Variants in NCKAP1 observed in about 807,000 individuals in gnomAD.
NCKAP1 encodes the protein nck-associated protein 1.
NCKAP1 carries 21 observed loss-of-function variants against 151.2 expected under a neutral mutation model. That is an observed-to-expected ratio of 0.14 (90% CI 0.10 to 0.20). The LOEUF (loss-of-function observed/expected upper bound fraction) is 0.20. Ranked by LOEUF, NCKAP1 falls within the 10% of genes least tolerant of loss-of-function variation. The pLI is 1.00. For missense variants in NCKAP1, 933 were observed against 1,352.1 expected, an observed-to-expected ratio of 0.69 and a Z score of 4.86; for synonymous variants, 484 against 451.8, an observed-to-expected ratio of 1.07 and a Z score of -0.90.
intron 24 of NCKAP1, among the ~76,000 whole-genome samples, chr2:182,936,997 C>T (rs1166161134): frequency 1.3e-5 from 2 of 151,464 alleles, no homozygotes; most frequent in Admixed American, 1.3e-4. Context: ...TGCTTGTAGT[C>T]CCAGCTACTC....
At chr2:182,991,488 G>C (rs1311357210) in intron 8 of NCKAP1, among the ~76,000 whole-genome samples, 7 of 152,148 alleles carry the variant, frequency 4.6e-5, no homozygotes, top group Non-Finnish European at 1.0e-4. Context: ...GAACTTGGGA[G>C]GTGGAGGGTG....
At chr2:182,937,354 C>T (rs1362182587) in intron 24 of NCKAP1, among the ~76,000 whole-genome samples, 1 of 152,058 alleles carries the variant, frequency 6.6e-6, no homozygotes, top group African/African-American at 2.4e-5. Flanking sequence ...ATTTGCCAAA[C>T]CATTTGACCA....
At position 182,986,338 on chromosome 2, in the gene NCKAP1, G is replaced by A. The variant is rs1196153028; in HGVS notation, c.948-111C>T. Reference sequence around the variant, plus strand: ...AAATGACATTATCAATTCAGAAACTGGCCATCAAACTGGAAGTGCATGGAA... The same window carrying A: ...AAATGACATTATCAATTCAGAAACTAGCCATCAAACTGGAAGTGCATGGAA... On this transcript the variant is annotated intron_variant, in intron 9 of 30. Coordinates refer to ENST00000361354, the MANE Select transcript of NCKAP1 (RefSeq NM_013436.5). 5.7e-6 allele frequency: 5 copies of A among 872,748 alleles called. No homozygotes were observed. The East Asian group carries it at 1.1e-4, about 19-fold the overall frequency. 54.1% of individuals were successfully genotyped at this position (872,748 alleles called of 1,614,324 possible). A position where few individuals can be genotyped will look rare whatever the true frequency, so the allele number is the denominator to read the frequency against.
chr2:182,958,057 G>C (rs1697361810), intron 18 of NCKAP1, among the ~76,000 whole-genome samples: 1 of 152,232 alleles, frequency 6.6e-6, no homozygotes, highest in Non-Finnish European at 1.5e-5. Flanking sequence ...GAAGGGCCTT[G>C]AATGCCAAGC....
At position 182,996,261 on chromosome 2, in the gene NCKAP1, T is replaced by C. The variant is rs115324263; in HGVS notation, c.604-423A>G. On this transcript the variant is annotated intron_variant, in intron 6 of 30. Coordinates refer to ENST00000361354, the MANE Select transcript of NCKAP1 (RefSeq NM_013436.5). ...TGTTAATAAAACTCAACATGCTTTA[T>C]ATTTCTCTAAAGAATGTCTTATAAA... is the stretch of plus-strand genomic sequence containing the variant. Among the ~76,000 whole-genome samples the C allele has an allele frequency of 2.6e-3, 390 of 152,390 alleles. 2 individuals carry two copies. The highest frequency in any genetic ancestry group is 8.9e-3 in the African/African-American group (372 of 41,598).
rs577083854 is a variant in NCKAP1 at position 182,970,497 on chromosome 2, A to C, written c.1483-3136T>G. On this transcript the variant is annotated intron_variant, in intron 15 of 30. Coordinates refer to ENST00000361354, the MANE Select transcript of NCKAP1 (RefSeq NM_013436.5). The stretch of plus-strand genomic sequence containing the variant: ...TTTAATAGATGCTGAAAATGCATTC[A>C]ATAAAATTCAACATCTCTTCATAAT... Among the ~76,000 whole-genome samples, 5 of 152,374 alleles carry C rather than the reference A, an allele frequency of 3.3e-5. No homozygotes were observed. In the South Asian group the frequency reaches 1.0e-3, roughly 32 times the overall value.
At chr2:182,941,351 G>A (rs950082729) in intron 24 of NCKAP1, among the ~76,000 whole-genome samples, 1 of 152,042 alleles carries the variant, frequency 6.6e-6, no homozygotes, top group Non-Finnish European at 1.5e-5. Flanking sequence ...ATGTCAAGAA[G>A]ACATTACAAT....
intron 29 of NCKAP1, 98 bp from the exon 30 acceptor site, chr2:182,927,003 T>C: frequency 1.3e-6 from 1 of 760,862 alleles, no homozygotes; most frequent in Admixed American, 2.7e-5. Flanking sequence ...TTTCAATCAT[T>C]CAGTGCTAAA....
At chr2:182,980,358 GA>G (rs938167323) in intron 13 of NCKAP1, among the ~76,000 whole-genome samples, 7 of 151,610 alleles carry the variant, frequency 4.6e-5, no homozygotes, top group Non-Finnish European at 8.8e-5. Flanking sequence ...AGGTTGATTT[GA>G]AAAAAATGAG....
intron 2 of NCKAP1, among the ~76,000 whole-genome samples, chr2:183,016,466 C>T (rs998406585): frequency 5.9e-5 from 9 of 152,184 alleles, no homozygotes; most frequent in Non-Finnish European, 1.3e-4. Flanking sequence ...AGAACATTGA[C>T]ATTTCAGTTA....
intron 10 of NCKAP1, among the ~76,000 whole-genome samples, chr2:182,985,797 T>C (rs1025543625): frequency 4.3e-5 from 6 of 139,990 alleles, no homozygotes; most frequent in African/African-American, 1.3e-4. Flanking sequence ...AGTGAGACTG[T>C]CTCAAAAAAA....
intron 2 of NCKAP1, among the ~76,000 whole-genome samples, chr2:183,017,900 T>C (rs181833590): frequency 1.3e-5 from 2 of 152,260 alleles, no homozygotes; most frequent in African/African-American, 4.8e-5. Context: ...CTAAGTGCTT[T>C]AGGAAACAAT....
chr2:182,927,814 A>G, intron 29 of NCKAP1, among the ~76,000 whole-genome samples: 1 of 151,956 alleles, frequency 6.6e-6, no homozygotes, highest in South Asian at 2.1e-4. Context: ...TGGGGAAAAA[A>G]GGTCATATTG....
chr2:183,023,713 T>A, intron 2 of NCKAP1, 93 bp downstream of exon 2: 1 of 943,290 alleles, frequency 1.1e-6, no homozygotes. Flanking sequence ...TGTTAAAAAT[T>A]AGGTAAATAA....
chr2:182,913,220 G>C lies in NCKAP1; in HGVS notation c.*12482C>G, dbSNP rs1258943484. On this transcript the variant is annotated 3_prime_UTR_variant, in exon 31 of 31. Transcript: ENST00000361354. Reference sequence around the variant, plus strand: ...CCAAGCATTTAGGACACTATGTCCTGTGTATTTATTGATTCAACAAATATT... The same window carrying C: ...CCAAGCATTTAGGACACTATGTCCTCTGTATTTATTGATTCAACAAATATT... 1.3e-5 allele frequency: 2 copies of C among 152,186 alleles called. No individual in the cohort carries two copies. The highest frequency in any genetic ancestry group is 2.9e-5 in the Non-Finnish European group (2 of 68,036). The allele number at this position is 152,186 out of a possible 1,614,324, so 9.4% of individuals were successfully genotyped here. A position where few individuals can be genotyped will look rare whatever the true frequency, so the allele number is the denominator to read the frequency against.
At position 182,956,453 on chromosome 2, in the gene NCKAP1, CT is replaced by C; in HGVS notation, c.2153+8del. ...TCAACAAACAAAAACAGTCAATATTCTTTCTTACTTGGTAAAGCGTATTTCC... is the reference window on the plus strand; with the variant it reads ...TCAACAAACAAAAACAGTCAATATTCTTCTTACTTGGTAAAGCGTATTTCC... On this transcript the variant is annotated splice_region_variant and intron_variant, in intron 20 of 30. Transcript: ENST00000361354. 1 of 1,607,724 alleles carries C rather than the reference CT, an allele frequency of 6.2e-7. No homozygotes were observed. The highest frequency in any genetic ancestry group is 1.1e-5 in the South Asian group (1 of 89,148).
chr2:183,014,247 G>A (rs1698642246), intron 2 of NCKAP1, among the ~76,000 whole-genome samples: 1 of 152,156 alleles, frequency 6.6e-6, no homozygotes, highest in African/African-American at 2.4e-5. Context: ...TGGAGAATGT[G>A]ATGGAAACAT....
At chr2:182,957,641 T>C in intron 18 of NCKAP1, 45 bp from the exon 19 acceptor site, 5 of 1,586,352 alleles carry the variant, frequency 3.2e-6, no homozygotes, top group Non-Finnish European at 4.3e-6. Flanking sequence ...CCAATTACTC[T>C]GAAAGCATAC....
chr2:182,964,012 T>C (rs1356725918), intron 17 of NCKAP1, among the ~76,000 whole-genome samples: 1 of 152,130 alleles, frequency 6.6e-6, no homozygotes, highest in African/African-American at 2.4e-5. Flanking sequence ...TCTGCAATTT[T>C]AAGTAAAGGG....
Sources: allele counts gnomAD v4.1 joint callset (sites outside exome capture counted in the v4.1 genomes callset), GRCh38; gene constraint gnomAD v4.1.1; transcripts MANE v1.5; gene names NCBI Gene and HGNC (gene_info 2026-07-23, HGNC 2026-07-21).